Variants in NUTF2 observed in about 807,000 individuals in gnomAD.
The protein encoded by NUTF2 is placental protein 15.
NUTF2 carries 3 observed loss-of-function variants against 18.5 expected under a neutral mutation model. That is an observed-to-expected ratio of 0.16 (90% CI 0.07 to 0.42). The LOEUF is 0.42. Among genes scored for constraint, NUTF2 ranks in the 10% least tolerant of loss-of-function variants. NUTF2 has a pLI of 0.99. For synonymous variants in NUTF2, 51 were observed against 57.9 expected (o/e 0.88, Z 0.54); for missense variants, 44 against 160.7 (o/e 0.27, Z 3.93).
chr16:67,862,570 C>T (rs1181001108), intron 1 of NUTF2, among the ~76,000 whole-genome samples: 1 of 152,198 alleles, frequency 6.6e-6, no homozygotes, highest in Non-Finnish European at 1.5e-5. Context: ...TATGGTGGTG[C>T]ACGCCTGTAA....
Position 67,870,962 on chromosome 16 carries a change from C to G in NUTF2, c.*49C>G. On this transcript the variant is annotated 3_prime_UTR_variant, in exon 5 of 5. Transcript: ENST00000219169. ...GCTGTTTCCTCCTCCCTCCTCTTCC[C>G]AATACTATTCCCACTCCTCCAGATG... The G allele has an allele frequency of 7.6e-7, 1 of 1,321,430 alleles. No individual in the cohort carries two copies. The highest frequency in any genetic ancestry group is 1.1e-6 in the Non-Finnish European group (1 of 914,904). 81.9% of individuals were successfully genotyped at this position (1,321,430 alleles called of 1,614,324 possible).
chr16:67,853,421 G>A (rs552365652), intron 1 of NUTF2, among the ~76,000 whole-genome samples: 3 of 152,270 alleles, frequency 2.0e-5, no homozygotes, highest in South Asian at 2.1e-4. Context: ...GCAGTGGCAC[G>A]ATCTCGGCTC....
chr16:67,851,530 A>G (rs1472556939), intron 1 of NUTF2, among the ~76,000 whole-genome samples: 1 of 151,928 alleles, frequency 6.6e-6, no homozygotes, highest in Non-Finnish European at 1.5e-5. Context: ...ATTATACTTT[A>G]AGTTCTAGGG....
intron 1 of NUTF2, among the ~76,000 whole-genome samples, chr16:67,853,413 A>G (rs970879836): frequency 6.6e-6 from 1 of 152,170 alleles, no homozygotes; most frequent in Non-Finnish European, 1.5e-5. Flanking sequence ...GCTGGAGTGC[A>G]GTGGCACGAT....
At chr16:67,853,938 C>T (rs1052550454) in intron 1 of NUTF2, among the ~76,000 whole-genome samples, 3 of 152,120 alleles carry the variant, frequency 2.0e-5, no homozygotes, top group African/African-American at 4.8e-5. Flanking sequence ...ACAGCCACCA[C>T]GCCTGGCCTG....
intron 1 of NUTF2, among the ~76,000 whole-genome samples, chr16:67,864,308 C>T (rs1291664575): frequency 1.3e-5 from 2 of 152,066 alleles, no homozygotes; most frequent in African/African-American, 2.4e-5. Flanking sequence ...GTCTGGAGTT[C>T]GAGACCAGCC....
intron 4 of NUTF2, 51 bp downstream of exon 4, chr16:67,868,650 C>A: frequency 1.3e-6 from 2 of 1,509,080 alleles, no homozygotes; most frequent in South Asian, 1.1e-5. Flanking sequence ...AGAGGAGAGT[C>A]TTGTACCCCT....
chr16:67,851,236 A>C (rs1206047634), intron 1 of NUTF2, among the ~76,000 whole-genome samples: 1 of 152,006 alleles, frequency 6.6e-6, no homozygotes, highest in Non-Finnish European at 1.5e-5. Flanking sequence ...TAATCCCAGC[A>C]CTTTGGGAGG....
chr16:67,865,359 C>G (rs1463868933), intron 2 of NUTF2, 130 bp downstream of exon 2: 2 of 633,876 alleles, frequency 3.2e-6, no homozygotes, highest in Non-Finnish European at 5.6e-6. Flanking sequence ...AACTTTTGTC[C>G]ACGGGACAGG....
At chr16:67,853,020 A>G (rs930854185) in intron 1 of NUTF2, among the ~76,000 whole-genome samples, 1 of 152,124 alleles carries the variant, frequency 6.6e-6, no homozygotes, top group African/African-American at 2.4e-5. Context: ...CTTAGGGTAC[A>G]TCAGCAGCCT....
chr16:67,868,315 C>T (rs1166261734), intron 2 of NUTF2, 25 bp from the exon 3 acceptor site: 2 of 1,611,306 alleles, frequency 1.2e-6, no homozygotes, highest in Non-Finnish European at 1.7e-6. Context: ...GGCCCCAACC[C>T]TGGGGTTTCC....
intron 1 of NUTF2, 187 bp downstream of exon 1, chr16:67,847,172 G>A (rs1476038869): frequency 6.6e-6 from 1 of 151,944 alleles, no homozygotes; most frequent in African/African-American, 2.4e-5. Flanking sequence ...CCTGTGAGGC[G>A]GCGGCCGGGG....
At chr16:67,868,761 T>C in intron 4 of NUTF2, 162 bp downstream of exon 4, 2 of 598,528 alleles carry the variant, frequency 3.3e-6, no homozygotes, top group South Asian at 4.3e-5. Flanking sequence ...CACATGTAGG[T>C]GGCAATTTTT....
intron 4 of NUTF2, 128 bp from the exon 5 acceptor site, chr16:67,870,672 C>T: frequency 1.3e-6 from 1 of 750,544 alleles, no homozygotes; most frequent in Non-Finnish European, 2.4e-6. Context: ...CTTGGCTACA[C>T]TGGGATTTGA....
At chr16:67,869,100 T>C (rs2057994631) in intron 4 of NUTF2, among the ~76,000 whole-genome samples, 1 of 148,862 alleles carries the variant, frequency 6.7e-6, no homozygotes, top group South Asian at 2.1e-4. Context: ...TTTTTTTTTT[T>C]TGAGACGGAG....
chr16:67,869,068 C>T (rs558384007), intron 4 of NUTF2, among the ~76,000 whole-genome samples: 1 of 149,960 alleles, frequency 6.7e-6, no homozygotes. Context: ...AAAGCAGATT[C>T]CTGGAACTCC....
At chr16:67,869,456 A>G (rs2057996720) in intron 4 of NUTF2, among the ~76,000 whole-genome samples, 1 of 151,680 alleles carries the variant, frequency 6.6e-6, no homozygotes, top group South Asian at 2.1e-4. Flanking sequence ...ACCCCCCAAG[A>G]ACTCTCCAAG....
intron 1 of NUTF2, among the ~76,000 whole-genome samples, chr16:67,864,042 A>G (rs771822984): frequency 3.3e-5 from 5 of 152,196 alleles, no homozygotes; most frequent in Non-Finnish European, 2.9e-5. Context: ...CCCTCTTCCC[A>G]CAACCCTCAG....
At chr16:67,868,878 G>A (rs1206940222) in intron 4 of NUTF2, 3 of 310,216 alleles carry the variant, frequency 9.7e-6, no homozygotes, top group Middle Eastern at 1.1e-3. Flanking sequence ...CTGGTCTAGA[G>A]CCTTTATCTG....
Sources: gnomAD v4.1 joint callset for allele counts (sites outside exome capture counted in the v4.1 genomes callset) on GRCh38, gnomAD v4.1.1 for gene constraint, MANE v1.5 for transcripts, NCBI Gene and HGNC (gene_info 2026-07-23, HGNC 2026-07-21) for gene names.